Variants in AUH observed in about 807,000 individuals in gnomAD.
AUH encodes methylglutaconyl-CoA hydratase, mitochondrial.
AUH carries 29 observed loss-of-function variants against 42.3 expected under a neutral mutation model. The observed-to-expected ratio is 0.69, with a 90% CI of 0.51 to 0.93. AUH has a LOEUF of 0.93. Among genes scored for constraint, AUH ranks in the 40% least tolerant of loss-of-function variants. The probability of loss-of-function intolerance (pLI) is 0.00; values close to 1 mark genes in which losing one functional copy is unlikely to be tolerated. For missense variants in AUH, 452 were observed against 438.1 expected (o/e 1.03, Z -0.28); for synonymous variants, 174 against 166.4 (o/e 1.05, Z -0.35).
At chr9:91,319,012 A>G (rs900314072) in intron 4 of AUH, among the ~76,000 whole-genome samples, 5 of 152,222 alleles carry the variant, frequency 3.3e-5, no homozygotes, top group Non-Finnish European at 7.3e-5. Flanking sequence ...TTCTTGAGAC[A>G]GAAGTTTCAT....
intron 3 of AUH, among the ~76,000 whole-genome samples, chr9:91,353,806 G>A (rs1414063027): frequency 4.9e-5 from 5 of 102,082 alleles, no homozygotes; most frequent in Non-Finnish European, 8.8e-5. Context: ...GGGTGACAGA[G>A]CAAGACTCCG....
chr9:91,344,946 AAAT>A (rs887768907), intron 3 of AUH, among the ~76,000 whole-genome samples: 2 of 152,178 alleles, frequency 1.3e-5, no homozygotes, highest in African/African-American at 4.8e-5. Context: ...ACAGGCTGAA[AAAT>A]AATATGAGAA....
chr9:91,278,471 G>A (rs1231683237), intron 6 of AUH, among the ~76,000 whole-genome samples: 1 of 152,178 alleles, frequency 6.6e-6, no homozygotes, highest in Non-Finnish European at 1.5e-5. Flanking sequence ...CAAAGGAAAA[G>A]TGGTCCTTTA....
intron 1 of AUH, among the ~76,000 whole-genome samples, chr9:91,358,568 G>A (rs1237262926): frequency 6.6e-6 from 1 of 152,188 alleles, no homozygotes; most frequent in East Asian, 1.9e-4. Flanking sequence ...AGAATCGAAT[G>A]ATATGATACA....
chr9:91,267,314 C>T (rs1830027657), intron 6 of AUH, among the ~76,000 whole-genome samples: 2 of 152,176 alleles, frequency 1.3e-5, no homozygotes, highest in African/African-American at 4.8e-5. Context: ...ACCCAAGTAC[C>T]TTGCCATAAT....
At chr9:91,328,528 A>G (rs2131882522) in intron 3 of AUH, among the ~76,000 whole-genome samples, 1 of 152,328 alleles carries the variant, frequency 6.6e-6, no homozygotes, top group East Asian at 1.9e-4. Context: ...AAGCCGTAGC[A>G]CGAAGCAGCA....
intron 3 of AUH, among the ~76,000 whole-genome samples, chr9:91,342,474 T>C (rs1564119937): frequency 6.6e-6 from 1 of 152,328 alleles, no homozygotes; most frequent in East Asian, 1.9e-4. Context: ...CCCACACACT[T>C]TATTTCTGAA....
chr9:91,251,050 G>C (rs563367766), intron 6 of AUH, among the ~76,000 whole-genome samples: 8 of 152,250 alleles, frequency 5.3e-5, no homozygotes, highest in African/African-American at 1.9e-4. Flanking sequence ...GAAGAGATAG[G>C]GCACCAGCCT....
At chr9:91,290,769 T>C (rs953605856) in intron 6 of AUH, among the ~76,000 whole-genome samples, 1 of 152,160 alleles carries the variant, frequency 6.6e-6, no homozygotes, top group Admixed American at 6.5e-5. Flanking sequence ...TATCTTCTGG[T>C]AGTTGTAACA....
intron 1 of AUH, among the ~76,000 whole-genome samples, chr9:91,359,192 A>G (rs1832665178): frequency 6.6e-6 from 1 of 152,238 alleles, no homozygotes; most frequent in Non-Finnish European, 1.5e-5. Context: ...CTTTGCTGAG[A>G]CTTTAAAAAC....
intron 4 of AUH, among the ~76,000 whole-genome samples, chr9:91,320,522 T>C (rs926520206): frequency 6.6e-6 from 1 of 152,224 alleles, no homozygotes; most frequent in Non-Finnish European, 1.5e-5. Flanking sequence ...GCTTCTGATT[T>C]CTGTATGTCA....
At position 91,217,436 on chromosome 9, in the gene AUH, A is replaced by G. The variant is rs1157396394; in HGVS notation, c.844-109T>C. On this transcript the variant is annotated intron_variant, in intron 7 of 9. Coordinates refer to ENST00000375731, the MANE Select transcript of AUH (RefSeq NM_001698.3). ...CCACTGGATCCATTGCACAGCCAGC[A>G]ATGGCTGTCAGATACTAGATGGAAA... The G allele has an allele frequency of 2.5e-6, 3 of 1,186,894 alleles. No homozygotes were observed. The South Asian group carries it at 3.9e-5, about 15-fold the overall frequency. 73.5% of individuals were successfully genotyped at this position (1,186,894 alleles called of 1,614,324 possible).
At chr9:91,222,284 C>T (rs1030921968) in intron 6 of AUH, among the ~76,000 whole-genome samples, 1 of 152,106 alleles carries the variant, frequency 6.6e-6, no homozygotes, top group Non-Finnish European at 1.5e-5. Context: ...ACAAAGTATG[C>T]CTCAGTTGGA....
intron 6 of AUH, among the ~76,000 whole-genome samples, chr9:91,252,247 G>C (rs1249893925): frequency 6.6e-6 from 1 of 151,964 alleles, no homozygotes; most frequent in Non-Finnish European, 1.5e-5. Flanking sequence ...ATACGGACTT[G>C]AGCCACCGCA....
chr9:91,228,142 T>C (rs916710758), intron 6 of AUH, among the ~76,000 whole-genome samples: 2 of 151,710 alleles, frequency 1.3e-5, no homozygotes, highest in Non-Finnish European at 3.0e-5. Flanking sequence ...CAGTTCCTCC[T>C]TGTACCTCTG....
At chr9:91,327,651 G>A (rs892214918) in intron 3 of AUH, among the ~76,000 whole-genome samples, 6 of 152,198 alleles carry the variant, frequency 3.9e-5, no homozygotes, top group African/African-American at 1.4e-4. Flanking sequence ...AACTCGCTGA[G>A]CTGCAGGCGA....
intron 6 of AUH, among the ~76,000 whole-genome samples, chr9:91,251,642 T>C (rs1276335750): frequency 1.3e-5 from 2 of 152,224 alleles, no homozygotes; most frequent in African/African-American, 4.8e-5. Context: ...AATGCCAGGA[T>C]AGAGTAAACT....
chr9:91,251,505 G>A (rs1012046287), intron 6 of AUH, among the ~76,000 whole-genome samples: 5 of 152,078 alleles, frequency 3.3e-5, no homozygotes, highest in Non-Finnish European at 7.3e-5. Flanking sequence ...ACTGGAGAAT[G>A]GTAAATACAA....
intron 3 of AUH, among the ~76,000 whole-genome samples, chr9:91,355,488 C>A (rs1406687792): frequency 1.3e-5 from 2 of 151,202 alleles, no homozygotes; most frequent in Non-Finnish European, 2.9e-5. Flanking sequence ...ACTGGGGAGA[C>A]GAGGGTTGCA....
Sources: allele counts gnomAD v4.1 joint callset (sites outside exome capture counted in the v4.1 genomes callset), GRCh38; gene constraint gnomAD v4.1.1; transcripts MANE v1.5; gene names NCBI Gene and HGNC (gene_info 2026-07-23, HGNC 2026-07-21).